Variants in AOPEP observed in about 807,000 individuals in gnomAD.
AOPEP encodes the protein aminopeptidase O (putative), also known as aminopeptidase O.
Under a neutral mutation model 98.1 loss-of-function variants are expected in AOPEP, and 77 were observed. The observed-to-expected ratio is 0.78, with a 90% CI of 0.65 to 0.95. AOPEP has a LOEUF of 0.95. Among genes scored for constraint, AOPEP ranks in the 40% least tolerant of loss-of-function variants. The pLI is 0.00. For missense variants in AOPEP, 1,024 were observed against 1,024.7 expected (o/e 1.00, Z 0.01); for synonymous variants, 346 against 365.3 (o/e 0.95, Z 0.60).
rs778843177 is a variant in AOPEP at position 95,082,675 on chromosome 9, A to G, written c.2420A>G (p.Asp807Gly). The change falls in exon 16 of 17, where the codon GAT becomes GGT. Residue 807 changes from aspartate to glycine, a missense_variant. This residue lies in a region of AOPEP where 566 missense variants were observed against 551.7 expected (regional missense o/e 1.03). Transcript: ENST00000375315. ...RCFERTKEQM[D>G]RSSAQVVAEM... Reference sequence around the variant, plus strand: ...TTCGAGCGGACCAAGGAGCAGATGGATAGGTCCTCAGCCCAGGTGGTGGCC... The same window carrying G: ...TTCGAGCGGACCAAGGAGCAGATGGGTAGGTCCTCAGCCCAGGTGGTGGCC... 1.2e-6 allele frequency: 2 copies of G among 1,614,078 alleles called. No homozygotes were observed. Among genetic ancestry groups the G allele is most frequent in the African/African-American group, 2.7e-5 (2 of 74,922 alleles).
intron 3 of AOPEP, among the ~76,000 whole-genome samples, chr9:94,780,118 T>A (rs1842952806): frequency 6.6e-6 from 1 of 152,220 alleles, no homozygotes; most frequent in Non-Finnish European, 1.5e-5. Context: ...TATTGGATCA[T>A]GGCCATTGTC....
At chr9:94,950,404 G>A (rs2058017851) in intron 7 of AOPEP, among the ~76,000 whole-genome samples, 1 of 152,310 alleles carries the variant, frequency 6.6e-6, no homozygotes, top group South Asian at 2.1e-4. Flanking sequence ...TCACAGATGA[G>A]GGAGCCGGAC....
intron 5 of AOPEP, among the ~76,000 whole-genome samples, chr9:94,890,350 C>A (rs1564330434): frequency 6.6e-6 from 1 of 151,938 alleles, no homozygotes; most frequent in Non-Finnish European, 1.5e-5. Context: ...TTACAGGCTC[C>A]TGCTCCCCAC....
chr9:94,761,281 A>G (rs1838230293), intron 2 of AOPEP, among the ~76,000 whole-genome samples: 1 of 152,230 alleles, frequency 6.6e-6, no homozygotes, highest in Non-Finnish European at 1.5e-5. Flanking sequence ...GGATACATTT[A>G]GGCAGACCTT....
At chr9:94,824,000 A>G (rs1404778618) in intron 5 of AOPEP, among the ~76,000 whole-genome samples, 1 of 152,208 alleles carries the variant, frequency 6.6e-6, no homozygotes, top group Non-Finnish European at 1.5e-5. Flanking sequence ...GAGAGAAAGA[A>G]GGGATATAGA....
In AOPEP at chr9:94,750,892, C is replaced by A. The variant is rs573725253; in HGVS notation, c.-135-8757C>A. On this transcript the variant is annotated intron_variant, in intron 1 of 16. Transcript: ENST00000375315. ...CCTCCTGAGTAGCTGGGACTACAGG[C>A]GCCTGCCACCACGCCCGGCTAATTT... Among the ~76,000 whole-genome samples the A allele has an allele frequency of 9.3e-5, 14 of 151,224 alleles. No homozygotes were observed. The East Asian group carries it at 2.8e-3, about 30-fold the overall frequency.
chr9:95,147,178 G>T, the AOPEP span, among the ~76,000 whole-genome samples: 1 of 152,056 alleles, frequency 6.6e-6, no homozygotes, highest in African/African-American at 2.4e-5. Flanking sequence ...CTTTAAAAAT[G>T]AGGATTAAAA....
intron 5 of AOPEP, among the ~76,000 whole-genome samples, chr9:94,899,273 C>T (rs1431212931): frequency 1.4e-5 from 2 of 146,058 alleles, no homozygotes; most frequent in Non-Finnish European, 3.0e-5. Context: ...CAAGCTCCGC[C>T]TCCTGGGTTC....
chr9:95,123,591 C>T, the AOPEP span: 17 of 586,328 alleles, frequency 2.9e-5, no homozygotes, highest in Middle Eastern at 2.8e-4. Context: ...ATTTGCGACA[C>T]GAACTGTGCC....
intron 1 of AOPEP, among the ~76,000 whole-genome samples, chr9:94,729,038 CCAGG>C (rs2131616524): frequency 6.6e-6 from 1 of 151,796 alleles, no homozygotes; most frequent in African/African-American, 2.4e-5. Context: ...GGTTGCCTGT[CCAGG>C]AAAGTTGGTG....
intron 3 of AOPEP, among the ~76,000 whole-genome samples, chr9:94,785,588 T>C (rs1361546172): frequency 6.6e-6 from 1 of 152,180 alleles, no homozygotes; most frequent in Non-Finnish European, 1.5e-5. Context: ...TGCCTGAAGT[T>C]AAGGAGTGCT....
chr9:95,001,636 T>C (rs1381771156), intron 11 of AOPEP, among the ~76,000 whole-genome samples: 2 of 152,240 alleles, frequency 1.3e-5, no homozygotes, highest in African/African-American at 2.4e-5. Context: ...AAAGTATTTT[T>C]TCCGTGTCAT....
chr9:95,117,974 G>A, the AOPEP span, among the ~76,000 whole-genome samples: 6 of 151,998 alleles, frequency 3.9e-5, no homozygotes, highest in East Asian at 5.8e-4. Context: ...TGGCCGCCTC[G>A]GCCTCCCAAA....
chr9:94,912,879 G>A (rs1299498973), intron 5 of AOPEP, among the ~76,000 whole-genome samples: 3 of 152,218 alleles, frequency 2.0e-5, no homozygotes, highest in Non-Finnish European at 4.4e-5. Flanking sequence ...TCCAGCTCCC[G>A]CTGCACTGCC....
intron 5 of AOPEP, among the ~76,000 whole-genome samples, chr9:94,885,426 A>C (rs1450444344): frequency 6.6e-6 from 1 of 150,436 alleles, no homozygotes; most frequent in Non-Finnish European, 1.5e-5. Flanking sequence ...GTACTGAAAA[A>C]TACAAATATA....
At chr9:95,007,878 TA>T (rs2062156704) in intron 13 of AOPEP, among the ~76,000 whole-genome samples, 1 of 152,242 alleles carries the variant, frequency 6.6e-6, no homozygotes, top group African/African-American at 2.4e-5. Context: ...GTCTATGTGT[TA>T]ACCTTTTGCT....
At chr9:95,047,551 A>G (rs1338786959) in intron 13 of AOPEP, among the ~76,000 whole-genome samples, 1 of 152,220 alleles carries the variant, frequency 6.6e-6, no homozygotes. Flanking sequence ...TTTCTAGGGA[A>G]AACTGCCCTG....
At chr9:94,737,485 A>C (rs1249012297) in intron 1 of AOPEP, among the ~76,000 whole-genome samples, 1 of 152,164 alleles carries the variant, frequency 6.6e-6, no homozygotes, top group Non-Finnish European at 1.5e-5. Context: ...GATGGTAAGA[A>C]TGGTTTCTGG....
At position 94,840,362 on chromosome 9, in the gene AOPEP, G is replaced by A. The variant is rs369638715; in HGVS notation, c.1364+39360G>A. Reference sequence around the variant, plus strand: ...TGATAAAATCACATTTGATTCTGATGTATTATTCTTCTTATATATTGTTGG... The same window carrying A: ...TGATAAAATCACATTTGATTCTGATATATTATTCTTCTTATATATTGTTGG... On this transcript the variant is annotated intron_variant, in intron 5 of 16. Coordinates refer to ENST00000375315, the MANE Select transcript of AOPEP (RefSeq NM_001193329.3). Among the ~76,000 whole-genome samples, 130 of 152,210 alleles carry A rather than the reference G, an allele frequency of 8.5e-4. 1 individual carries two copies. The South Asian group carries it at 0.026, about 30-fold the overall frequency.
Sources: allele counts gnomAD v4.1 joint callset (sites outside exome capture counted in the v4.1 genomes callset), GRCh38; gene constraint gnomAD v4.1.1; regional missense constraint gnomAD v4.1.1; transcripts MANE v1.5; gene names NCBI Gene and HGNC (gene_info 2026-07-23, HGNC 2026-07-21).